FGF12: variants seen among roughly 807,000 people sequenced by gnomAD.
FGF12 encodes fibroblast growth factor 12.
In FGF12, 14 loss-of-function variants were observed where a neutral mutation model predicts 23.6. That is an observed-to-expected ratio of 0.59 (90% confidence interval 0.39 to 0.93). FGF12 has a LOEUF of 0.93. Ranked by LOEUF, FGF12 falls within the 40% of genes least tolerant of loss-of-function variation. FGF12 has a pLI of 0.00. For missense variants in FGF12, 175 were observed against 217.8 expected, an observed-to-expected ratio of 0.80 and a Z score of 1.24; for synonymous variants, 62 against 77.3, an observed-to-expected ratio of 0.80 and a Z score of 1.04.
chr3:192,713,501 A>G (rs748621704), intron 2 of FGF12, among the ~76,000 whole-genome samples: 11 of 152,170 alleles, frequency 7.2e-5, no homozygotes, highest in Non-Finnish European at 1.0e-4. Context: ...TGCATGAGAG[A>G]TTGTTTTTAT....
intron 4 of FGF12, among the ~76,000 whole-genome samples, chr3:192,230,410 AGACTGCACATTTCTG>A (rs1718959744): frequency 6.6e-6 from 1 of 152,164 alleles, no homozygotes; most frequent in Admixed American, 6.5e-5. Flanking sequence ...AGCAAATTTT[AGACTGCACATTTCTG>A]GACGGCAAGG....
chr3:192,589,333 CA>C (rs34596382), intron 2 of FGF12, among the ~76,000 whole-genome samples: 176 of 123,620 alleles, frequency 1.4e-3, no homozygotes, highest in Admixed American at 1.6e-3. Flanking sequence ...GACTCCATCT[CA>C]AAAAAAAAAA....
intron 5 of FGF12, among the ~76,000 whole-genome samples, chr3:192,154,704 C>G (rs1714260172): frequency 7.1e-6 from 1 of 141,114 alleles, no homozygotes; most frequent in Non-Finnish European, 1.6e-5. Flanking sequence ...GGGAGAACCA[C>G]TGCTCTCTTC....
chr3:192,258,201 T>C (rs1352423927), intron 4 of FGF12, among the ~76,000 whole-genome samples: 1 of 152,162 alleles, frequency 6.6e-6, no homozygotes, highest in Non-Finnish European at 1.5e-5. Context: ...CTCATGCCTG[T>C]AATCCCAGCA....
intron 2 of FGF12, among the ~76,000 whole-genome samples, chr3:192,656,869 C>T (rs1716447412): frequency 6.6e-6 from 1 of 152,048 alleles, no homozygotes; most frequent in South Asian, 2.1e-4. Context: ...GCATAATAGC[C>T]ACAATTATTA....
intron 2 of FGF12, among the ~76,000 whole-genome samples, chr3:192,485,095 T>C (rs907545796): frequency 6.6e-6 from 1 of 152,128 alleles, no homozygotes; most frequent in Admixed American, 6.5e-5. Context: ...AAATTTTATA[T>C]GTATACACAT....
At chr3:192,398,927 C>T (rs7636052) in intron 2 of FGF12, among the ~76,000 whole-genome samples, 1,864 of 152,170 alleles carry the variant, frequency 0.012, 45 homozygotes, top group African/African-American at 0.043. Flanking sequence ...GATGTCATTT[C>T]CTCATTGATT....
intron 2 of FGF12, among the ~76,000 whole-genome samples, chr3:192,692,402 A>G (rs757491707): frequency 2.1e-4 from 32 of 152,172 alleles, no homozygotes; most frequent in Non-Finnish European, 4.0e-4. Context: ...AACAATATAA[A>G]AGATTAAAAA....
At chr3:192,202,237 G>C (rs1168693017) in intron 4 of FGF12, among the ~76,000 whole-genome samples, 1 of 152,232 alleles carries the variant, frequency 6.6e-6, no homozygotes, top group Non-Finnish European at 1.5e-5. Context: ...CAGACAGATT[G>C]AGGAAGTGGC....
At chr3:192,387,823 G>A (rs537277021) in intron 2 of FGF12, among the ~76,000 whole-genome samples, 51 of 152,052 alleles carry the variant, frequency 3.4e-4, no homozygotes, top group Admixed American at 1.5e-3. Flanking sequence ...GGAGGTTGAC[G>A]CTGCGGTGAG....
intron 2 of FGF12, among the ~76,000 whole-genome samples, chr3:192,718,152 T>C (rs1718919278): frequency 6.7e-6 from 1 of 149,686 alleles, no homozygotes; most frequent in Non-Finnish European, 1.5e-5. Flanking sequence ...CATTATTCTG[T>C]TAGTCTTTCT....
intron 2 of FGF12, among the ~76,000 whole-genome samples, chr3:192,418,516 G>A (rs1286377534): frequency 6.6e-6 from 1 of 152,086 alleles, no homozygotes; most frequent in Non-Finnish European, 1.5e-5. Context: ...TGAGGGACAC[G>A]AAGGATAGGG....
chr3:192,560,880 G>C (rs1711990257), intron 2 of FGF12, among the ~76,000 whole-genome samples: 1 of 152,112 alleles, frequency 6.6e-6, no homozygotes, highest in South Asian at 2.1e-4. Context: ...ATGTGAAAGA[G>C]TAATAAAATT....
At chr3:192,165,937 A>G (rs1715138378) in intron 5 of FGF12, among the ~76,000 whole-genome samples, 1 of 152,198 alleles carries the variant, frequency 6.6e-6, no homozygotes, top group African/African-American at 2.4e-5. Context: ...CTATAAAATG[A>G]GGATAAAAAT....
At chr3:192,714,402 T>G (rs1037196394) in intron 2 of FGF12, among the ~76,000 whole-genome samples, 2 of 152,102 alleles carry the variant, frequency 1.3e-5, no homozygotes, top group Non-Finnish European at 2.9e-5. Flanking sequence ...TAAGCATAGA[T>G]GAGTTTGAGA....
intron 4 of FGF12, among the ~76,000 whole-genome samples, chr3:192,283,740 A>G (rs1300315532): frequency 6.6e-6 from 1 of 152,074 alleles, no homozygotes; most frequent in African/African-American, 2.4e-5. Context: ...CATGTAAAAA[A>G]TGAATAGGGC....
In FGF12 at chr3:192,332,368, A is replaced by G. The variant is rs1027852790; in HGVS notation, c.228+2993T>C. On this transcript the variant is annotated intron_variant, in intron 4 of 5. Coordinates refer to ENST00000445105, the MANE Select transcript of FGF12 (RefSeq NM_004113.6). ...CTTGCAGAAGAATTTAATAAAATAA[A>G]AAAATGTGAATAAAGCAACAGAATT... Among the ~76,000 whole-genome samples, 60 of 152,144 alleles carry G rather than the reference A, an allele frequency of 3.9e-4. 1 individual carries two copies.
At chr3:192,653,737 C>T (rs866188102) in intron 2 of FGF12, among the ~76,000 whole-genome samples, 32 of 77,444 alleles carry the variant, frequency 4.1e-4, no homozygotes, top group Non-Finnish European at 5.8e-4. Context: ...TTTTTTGAGA[C>T]GGAATCATGC....
At chr3:192,219,064 T>C (rs936601328) in intron 4 of FGF12, among the ~76,000 whole-genome samples, 1 of 152,184 alleles carries the variant, frequency 6.6e-6, no homozygotes, top group Non-Finnish European at 1.5e-5. Flanking sequence ...CATTTACTTA[T>C]AAATATCTAT....
Sources: allele counts gnomAD v4.1 joint callset (sites outside exome capture counted in the v4.1 genomes callset), GRCh38; gene constraint gnomAD v4.1.1; transcripts MANE v1.5; gene names NCBI Gene and HGNC (gene_info 2026-07-23, HGNC 2026-07-21).